Variants in EPG5 observed in about 807,000 individuals in gnomAD.
EPG5 encodes the protein ectopic P-granules 5 autophagy tethering factor.
Under a neutral mutation model 302.7 loss-of-function variants are expected in EPG5, and 159 were observed. That is an observed-to-expected ratio of 0.53 (90% CI 0.46 to 0.60). The LOEUF (loss-of-function observed/expected upper bound fraction) is 0.60, where lower values mean the gene tolerates loss of function less well. Among genes scored for constraint, EPG5 ranks in the 20% least tolerant of loss-of-function variants. EPG5 has a pLI of 0.00. For synonymous variants in EPG5, 1,158 were observed against 1,136.8 expected (o/e 1.02, Z -0.37); for missense variants, 2,896 against 3,092.4 (o/e 0.94, Z 1.51).
chr18:45,936,638 G>C (rs1194183845), intron 10 of EPG5, among the ~76,000 whole-genome samples: 2 of 144,544 alleles, frequency 1.4e-5, no homozygotes, highest in East Asian at 2.1e-4. Context: ...TGAGGCAGGA[G>C]AATCACTTGA....
chr18:45,895,277 G>GT (rs2049445603), intron 27 of EPG5, among the ~76,000 whole-genome samples: 1 of 151,974 alleles, frequency 6.6e-6, no homozygotes, highest in Non-Finnish European at 1.5e-5. Context: ...GGAGTTTGAG[G>GT]TATTTGTGGA....
intron 27 of EPG5, among the ~76,000 whole-genome samples, chr18:45,896,259 A>C (rs1599517057): frequency 6.6e-6 from 1 of 152,222 alleles, no homozygotes; most frequent in East Asian, 1.9e-4. Flanking sequence ...CACTGGCTGC[A>C]GTCGATACTA....
In EPG5 at chr18:45,855,615, CA is replaced by C; in HGVS notation, c.7514del (p.Leu2505Ter). The C allele has an allele frequency of 6.2e-7, 1 of 1,614,146 alleles. No homozygotes were observed. The highest frequency in any genetic ancestry group is 8.5e-7 in the Non-Finnish European group (1 of 1,180,024). The stretch of plus-strand genomic sequence containing the variant: ...TCAGATGTAATTCAGAGCCAGGCCT[CA>C]AACGGATCTGATCTTCCATAGGAAC... ...VQVPMEDQIR[L>X]RPGSELHLTP... On this transcript the variant is annotated frameshift_variant, in exon 43 of 44. Coordinates refer to ENST00000282041, the MANE Select transcript of EPG5 (RefSeq NM_020964.3). LOFTEE classifies it high-confidence loss of function.
In EPG5 at chr18:45,967,232, T is replaced by C; in HGVS notation, c.8A>G (p.Glu3Gly). The change falls in exon 1 of 44, where the codon GAG (glutamate) becomes GGG (glycine). Residue 3 changes from glutamate (E) to glycine (G), a missense_variant. Transcript: ENST00000282041. Reference sequence around the variant, plus strand: ...GGCCCGGCGCTGGGGCTTCACCGCCTCGGCCATAGACCCTTCCGCGGCGCC... The same window carrying C: ...GGCCCGGCGCTGGGGCTTCACCGCCCCGGCCATAGACCCTTCCGCGGCGCC... The part of the protein sequence containing the change: MA[E>G]AVKPQRRAKA... 1 of 1,602,798 alleles carries C rather than the reference T, an allele frequency of 6.2e-7. No homozygotes were observed. Among genetic ancestry groups the C allele is most frequent in the Non-Finnish European group, 8.5e-7 (1 of 1,174,954 alleles).
intron 6 of EPG5, among the ~76,000 whole-genome samples, chr18:45,947,529 C>T (rs1331256738): frequency 6.6e-6 from 1 of 152,116 alleles, no homozygotes; most frequent in Non-Finnish European, 1.5e-5. Context: ...GCCCTTGTAT[C>T]CAAGGCAGTA....
At position 45,884,709 on chromosome 18, in the gene EPG5, C is replaced by G; in HGVS notation, c.5212G>C (p.Ala1738Pro). Residue 1738 changes from alanine to proline, a missense_variant, in exon 30 of 44, where the codon GCT (alanine) becomes CCT (proline). Ala to Pro is a conservative substitution (Grantham distance 27). Around this residue, in one of 5 missense-constraint regions of EPG5, gnomAD observed 790 missense variants for 798.0 expected, o/e 0.99. Transcript: ENST00000282041. ...AGCTGTATGAACTCTGCAGGTGCAG[C>G]ATTGGGAGTGAAGAAAGGAGACAGC... Reference protein sequence around the residue: ...SLLSPFFTPNAAPAEFIQLYE... With the variant: ...SLLSPFFTPNPAPAEFIQLYE... 1.2e-6 allele frequency: 2 copies of G among 1,611,904 alleles called. No individual in the cohort carries two copies. The highest frequency in any genetic ancestry group is 8.5e-7 in the Non-Finnish European group (1 of 1,179,240).
the EPG5 span, among the ~76,000 whole-genome samples, chr18:45,841,586 G>C: frequency 3.9e-5 from 6 of 152,148 alleles, no homozygotes; most frequent in Non-Finnish European, 8.8e-5. Flanking sequence ...GTGGGGAAGT[G>C]GGTAGACGGG....
At chr18:45,902,294 T>C (rs778844317) in intron 25 of EPG5, among the ~76,000 whole-genome samples, 1 of 152,162 alleles carries the variant, frequency 6.6e-6, no homozygotes, top group Non-Finnish European at 1.5e-5. Flanking sequence ...ATAGTTAGTG[T>C]TTTTCCACTA....
chr18:45,858,007 T>C lies in EPG5; in HGVS notation c.7288A>G (p.Ile2430Val). 2 of 1,613,944 alleles carry C rather than the reference T, an allele frequency of 1.2e-6. No individual in the cohort carries two copies. The highest frequency in any genetic ancestry group is 1.1e-5 in the South Asian group (1 of 91,076). ...WWHQVLQLSL[I>V]QTEQNDSVLT... is the part of the protein sequence containing the mutation. ...ACGGAGTCATTCTGCTCTGTCTGAA[T>C]GAGGGAGAGCTGAAGGACTTGGTGC... The change falls in exon 42 of 44, where the codon ATT (isoleucine) becomes GTT (valine). Residue 2430 changes from isoleucine to valine, a missense_variant. Physicochemically the swap from Ile to Val is conservative, Grantham distance 29 (BLOSUM62 3). Coordinates refer to ENST00000282041, the MANE Select transcript of EPG5 (RefSeq NM_020964.3).
At chr18:45,920,392 ACATCACT>A (rs2050127925) in intron 16 of EPG5, among the ~76,000 whole-genome samples, 1 of 152,218 alleles carries the variant, frequency 6.6e-6, no homozygotes, top group African/African-American at 2.4e-5. Context: ...GAGGAACACA[ACATCACT>A]CTGCTCATCA....
intron 1 of EPG5, among the ~76,000 whole-genome samples, chr18:45,959,222 T>TC (rs1291092955): frequency 1.3e-5 from 2 of 152,120 alleles, no homozygotes; most frequent in Non-Finnish European, 2.9e-5. Flanking sequence ...GCACATGTAA[T>TC]CCCAGCTACT....
In EPG5 at chr18:45,880,041, T is replaced by A. The variant is rs769480265; in HGVS notation, c.5667+34A>T. 8.2e-5 allele frequency: 123 copies of A among 1,502,844 alleles called. 1 individual carries two copies. Among genetic ancestry groups the A allele is most frequent in the Non-Finnish European group, 1.1e-4 (119 of 1,120,484 alleles). 93.1% of individuals were successfully genotyped at this position (1,502,844 alleles called of 1,614,324 possible). A position where few individuals can be genotyped will look rare whatever the true frequency, so the allele number is the denominator to read the frequency against. On this transcript the variant is annotated intron_variant, in intron 32 of 43. Coordinates refer to ENST00000282041, the MANE Select transcript of EPG5 (RefSeq NM_020964.3). ...GAATAGCAAGGGAAATAAAAAGAAA[T>A]GCACAAACACGTCAGAGACCAAAGG...
At chr18:45,947,842 A>G (rs145850321) in intron 6 of EPG5, among the ~76,000 whole-genome samples, 60 of 151,854 alleles carry the variant, frequency 4.0e-4, no homozygotes, top group African/African-American at 1.3e-3. Flanking sequence ...ACACGATCTC[A>G]GCTCACTGCA....
chr18:45,829,231 G>A, the EPG5 span: 51 of 857,994 alleles, frequency 5.9e-5, no homozygotes, highest in African/African-American at 8.6e-4. Context: ...GCAGAGGCAT[G>A]GGTTAAAGGG....
At chr18:45,955,864 G>A (rs952634587) in intron 1 of EPG5, among the ~76,000 whole-genome samples, 3 of 152,206 alleles carry the variant, frequency 2.0e-5, no homozygotes, top group Admixed American at 2.0e-4. Context: ...TAAAATGAGT[G>A]AGAAGCGACA....
chr18:45,848,082 G>A lies in EPG5; in HGVS notation c.*4385C>T, dbSNP rs541474959. ...CAGCTACTCCTGGACACTGATGCCC[G>A]AGGCATGCTGTGGAAACCGGACCAA... On this transcript the variant is annotated 3_prime_UTR_variant, in exon 44 of 44. Transcript: ENST00000282041. 2.0e-5 allele frequency: 3 copies of A among 152,138 alleles called. No homozygotes were observed. Among genetic ancestry groups the A allele is most frequent in the Non-Finnish European group, 2.9e-5 (2 of 68,006 alleles). 9.4% of individuals were successfully genotyped at this position (152,138 alleles called of 1,614,324 possible).
In EPG5 at chr18:45,887,753, G is replaced by T; in HGVS notation, c.5107C>A (p.Gln1703Lys). The T allele has an allele frequency of 6.4e-7, 1 of 1,559,574 alleles. No individual in the cohort carries two copies. The highest frequency in any genetic ancestry group is 8.8e-7 in the Non-Finnish European group (1 of 1,140,832). Residue 1703 changes from glutamine (Q) to lysine (K), a missense_variant and splice_region_variant, in exon 29 of 44, where the codon CAG becomes AAG. Physicochemically the swap from Gln to Lys is moderately conservative, Grantham distance 53. Coordinates refer to ENST00000282041, the MANE Select transcript of EPG5 (RefSeq NM_020964.3). Reference protein sequence around the residue: ...FFTSCIEILGQVFISGIKSEC... With the variant: ...FFTSCIEILGKVFISGIKSEC... ...GCAAAAGGTACAGATAGCCTTACCT[G>T]TCCCAAGATCTCAATACATGAAGTA...
chr18:45,945,552 GA>G (rs1231634643), intron 7 of EPG5, among the ~76,000 whole-genome samples: 1 of 152,066 alleles, frequency 6.6e-6, no homozygotes, highest in East Asian at 1.9e-4. Context: ...ATTTTGACTG[GA>G]AGTATTTATA....
At chr18:45,936,372 A>G (rs1304405917) in intron 10 of EPG5, among the ~76,000 whole-genome samples, 1 of 152,164 alleles carries the variant, frequency 6.6e-6, no homozygotes, top group Non-Finnish European at 1.5e-5. Context: ...TTGTATGTAA[A>G]TGTTATCACA....
Sources: allele counts gnomAD v4.1 joint callset (sites outside exome capture counted in the v4.1 genomes callset), GRCh38; gene constraint gnomAD v4.1.1; regional missense constraint gnomAD v4.1.1; transcripts MANE v1.5; gene names NCBI Gene and HGNC (gene_info 2026-07-23, HGNC 2026-07-21).